Variants in ZDHHC20 observed in about 807,000 individuals in gnomAD.
The protein encoded by ZDHHC20 is palmitoyltransferase ZDHHC20.
ZDHHC20 carries 43 observed loss-of-function variants against 57.8 expected under a neutral mutation model. That is an observed-to-expected ratio of 0.74 (90% CI 0.58 to 0.96). The LOEUF (loss-of-function observed/expected upper bound fraction) is 0.96, where lower values mean the gene tolerates loss of function less well. Ranked by LOEUF, ZDHHC20 falls within the 40% of genes least tolerant of loss-of-function variation. The pLI, the probability that ZDHHC20 is intolerant of heterozygous loss-of-function variation, is 0.00. For synonymous variants in ZDHHC20, 157 were observed against 153.0 expected (o/e 1.03, Z -0.19); for missense variants, 391 against 441.1 (o/e 0.89, Z 1.02).
intron 10 of ZDHHC20, chr13:21,382,011 G>C: frequency 2.1e-6 from 1 of 481,324 alleles, no homozygotes; most frequent in East Asian, 5.8e-5. Flanking sequence ...GATCCAGGGA[G>C]GGAGGGAATG....
At chr13:21,432,700 C>A (rs1882113919) in intron 1 of ZDHHC20, among the ~76,000 whole-genome samples, 1 of 152,094 alleles carries the variant, frequency 6.6e-6, no homozygotes. Context: ...AACTCCTGAC[C>A]TCAACTGATC....
chr13:21,427,840 A>G (rs1029976483), intron 1 of ZDHHC20, among the ~76,000 whole-genome samples: 1 of 151,432 alleles, frequency 6.6e-6, no homozygotes, highest in African/African-American at 2.4e-5. Context: ...GTTTCAAAAA[A>G]AAAAAAAAAA....
intron 1 of ZDHHC20, among the ~76,000 whole-genome samples, chr13:21,445,299 G>A (rs1883581239): frequency 6.6e-6 from 1 of 152,094 alleles, no homozygotes; most frequent in Admixed American, 6.6e-5. Context: ...CTGAGCTTTG[G>A]TTTTATGTAT....
chr13:21,411,793 T>C (rs981347067), intron 4 of ZDHHC20, among the ~76,000 whole-genome samples: 1 of 152,220 alleles, frequency 6.6e-6, no homozygotes, highest in Non-Finnish European at 1.5e-5. Flanking sequence ...GTGTTTTTCA[T>C]TAACAAATAT....
At chr13:21,423,296 AT>A (rs1331447122) in intron 2 of ZDHHC20, among the ~76,000 whole-genome samples, 1 of 152,188 alleles carries the variant, frequency 6.6e-6, no homozygotes, top group Non-Finnish European at 1.5e-5. Context: ...TGTCATACAC[AT>A]TAAAAACTGG....
intron 2 of ZDHHC20, 88 bp from the exon 3 acceptor site, chr13:21,421,252 G>T: frequency 2.1e-6 from 2 of 939,268 alleles, no homozygotes; most frequent in Non-Finnish European, 3.3e-6. Context: ...TGGGTCAGGA[G>T]GCCGAATCCA....
chr13:21,448,579 G>T lies in ZDHHC20; in HGVS notation c.118+10475C>A, dbSNP rs1218704062. Among the ~76,000 whole-genome samples the T allele has an allele frequency of 3.5e-5, 3 of 86,220 alleles. 1 individual carries two copies. The highest frequency in any genetic ancestry group is 1.1e-4 in the African/African-American group (3 of 26,368). The allele number at this position is 86,220 out of a possible 152,430, so 56.6% of individuals were successfully genotyped here. ...GCCCCTCTGCCCGGCCAGCCGCCCC[G>T]TCCGGGAGGGAGGTGGGGGGGTCAG... On this transcript the variant is annotated intron_variant, in intron 1 of 12. Transcript: ENST00000400590.
At chr13:21,450,637 G>A (rs773638496) in intron 1 of ZDHHC20, among the ~76,000 whole-genome samples, 3 of 152,086 alleles carry the variant, frequency 2.0e-5, no homozygotes, top group Non-Finnish European at 4.4e-5. Flanking sequence ...TAAGGTAACT[G>A]CAGAATTCAA....
At position 21,383,805 on chromosome 13, in the gene ZDHHC20, A is replaced by G. The variant is rs555532748; in HGVS notation, c.855-796T>C. ...GCACTACAGATATAGGAAATAGTGAACAAAAGAGAAGAAAATTTCTGCCTT... is the reference window on the plus strand; with the variant it reads ...GCACTACAGATATAGGAAATAGTGAGCAAAAGAGAAGAAAATTTCTGCCTT... On this transcript the variant is annotated intron_variant, in intron 9 of 12. Coordinates refer to ENST00000400590, the MANE Select transcript of ZDHHC20 (RefSeq NM_001330059.2). Among the ~76,000 whole-genome samples, 141 of 152,290 alleles carry G rather than the reference A, an allele frequency of 9.3e-4. 1 individual carries two copies. The highest frequency in any genetic ancestry group is 1.3e-3 in the Non-Finnish European group (91 of 68,026).
intron 1 of ZDHHC20, among the ~76,000 whole-genome samples, chr13:21,443,483 T>A (rs1324434898): frequency 2.6e-5 from 4 of 152,214 alleles, no homozygotes; most frequent in African/African-American, 9.6e-5. Flanking sequence ...CACTCACATA[T>A]AAACTGTGGT....
chr13:21,442,371 A>T (rs2138012996), intron 1 of ZDHHC20, among the ~76,000 whole-genome samples: 1 of 152,018 alleles, frequency 6.6e-6, no homozygotes, highest in South Asian at 2.1e-4. Flanking sequence ...TTCGTTTCTG[A>T]TACTGTCTTA....
rs560507397 is a variant in ZDHHC20 at position 21,428,794 on chromosome 13, T to C, written c.119-3116A>G. Among the ~76,000 whole-genome samples the C allele has an allele frequency of 4.1e-4, 62 of 151,822 alleles. No homozygotes were observed. The South Asian group carries it at 6.0e-3, about 15-fold the overall frequency. ...AGAATCGCCTGAACCTGGGAGGCGG[T>C]TGCAGTGAGGCAAGATCACACCACT... On this transcript the variant is annotated intron_variant, in intron 1 of 12. Coordinates refer to ENST00000400590, the MANE Select transcript of ZDHHC20 (RefSeq NM_001330059.2).
chr13:21,440,534 C>A (rs1019523507), intron 1 of ZDHHC20, among the ~76,000 whole-genome samples: 1 of 152,042 alleles, frequency 6.6e-6, no homozygotes, highest in African/African-American at 2.4e-5. Flanking sequence ...TCACTTCAAT[C>A]CGGGAGGCTG....
chr13:21,386,711 G>A (rs1874569068), intron 9 of ZDHHC20, among the ~76,000 whole-genome samples: 1 of 152,116 alleles, frequency 6.6e-6, no homozygotes, highest in South Asian at 2.1e-4. Context: ...ACCACACCCA[G>A]TTAATTTTTG....
At position 21,375,211 on chromosome 13, in the gene ZDHHC20, C is replaced by T; in HGVS notation, c.*1485G>A. ...GGCATCACAGAATGTTAGAAGTCAT[C>T]CAGTCCAACTTATTCACAACACCCC... On this transcript the variant is annotated 3_prime_UTR_variant, in exon 13 of 13. Coordinates refer to ENST00000400590, the MANE Select transcript of ZDHHC20 (RefSeq NM_001330059.2). 1 of 456,010 alleles carries T rather than the reference C, an allele frequency of 2.2e-6. No individual in the cohort carries two copies. Among genetic ancestry groups the T allele is most frequent in the Non-Finnish European group, 4.4e-6 (1 of 226,718 alleles). 28.2% of individuals were successfully genotyped at this position (456,010 alleles called of 1,614,324 possible). A position where few individuals can be genotyped will look rare whatever the true frequency, so the allele number is the denominator to read the frequency against.
intron 1 of ZDHHC20, among the ~76,000 whole-genome samples, chr13:21,436,909 A>T (rs1882608298): frequency 6.6e-6 from 1 of 152,228 alleles, no homozygotes; most frequent in African/African-American, 2.4e-5. Flanking sequence ...AATTAAAAGT[A>T]CTACTCCAGT....
intron 3 of ZDHHC20, among the ~76,000 whole-genome samples, chr13:21,415,428 C>A (rs1374494056): frequency 2.0e-5 from 3 of 152,094 alleles, no homozygotes; most frequent in Non-Finnish European, 4.4e-5. Flanking sequence ...GACAAGAAAC[C>A]CCCAAATTAC....
chr13:21,397,389 C>A (rs1376577427), intron 7 of ZDHHC20, among the ~76,000 whole-genome samples: 1 of 151,440 alleles, frequency 6.6e-6, no homozygotes, highest in Non-Finnish European at 1.5e-5. Context: ...TGGCTGGGCT[C>A]GGTGGCTCGC....
intron 1 of ZDHHC20, among the ~76,000 whole-genome samples, chr13:21,443,775 G>T (rs1475121788): frequency 6.6e-6 from 1 of 152,168 alleles, no homozygotes; most frequent in African/African-American, 2.4e-5. Flanking sequence ...CTTCAATATT[G>T]TTCAGAAGGA....
Sources: allele counts gnomAD v4.1 joint callset (sites outside exome capture counted in the v4.1 genomes callset), GRCh38; gene constraint gnomAD v4.1.1; transcripts MANE v1.5; gene names NCBI Gene and HGNC (gene_info 2026-07-23, HGNC 2026-07-21).